Variants in ROBO2 observed in about 807,000 individuals in gnomAD.
ROBO2 encodes roundabout guidance receptor 2.
ROBO2 carries 53 observed loss-of-function variants against 160.8 expected under a neutral mutation model. The observed-to-expected ratio is 0.33, with a 90% CI of 0.26 to 0.41. The LOEUF is 0.41. Among genes scored for constraint, ROBO2 ranks in the 10% least tolerant of loss-of-function variants. The pLI is 1.00. For missense variants in ROBO2, 1,577 were observed against 1,722.4 expected (o/e 0.92, Z 1.49); for synonymous variants, 664 against 611.7 (o/e 1.09, Z -1.26).
chr3:76,160,023 G>C (rs780467373), intron 2 of ROBO2, among the ~76,000 whole-genome samples: 1 of 152,082 alleles, frequency 6.6e-6, no homozygotes, highest in Non-Finnish European at 1.5e-5. Flanking sequence ...AGACTCCCTG[G>C]TAAAGCTTTC....
In ROBO2 at chr3:76,209,816, G is replaced by A. The variant is rs1703032377; in HGVS notation, c.109+272214G>A. 3.3e-5 allele frequency among the ~76,000 whole-genome samples: 5 copies of A among 152,104 alleles called. No individual in the cohort carries two copies. The South Asian group carries it at 1.0e-3, about 31-fold the overall frequency. The stretch of plus-strand genomic sequence containing the variant: ...ATGGTCAACAATGACCCTGGAAATG[G>A]TAGCTTGAAAACAGATTCAGAAGAC... On this transcript the variant is annotated intron_variant, in intron 2 of 26. Transcript: ENST00000487694.
At chr3:76,110,213 C>T (rs1176194978) in intron 2 of ROBO2, among the ~76,000 whole-genome samples, 5 of 151,872 alleles carry the variant, frequency 3.3e-5, no homozygotes, top group Non-Finnish European at 7.4e-5. Context: ...TCATAGTAGA[C>T]GTGATGGCAA....
At position 77,634,646 on chromosome 3, in the gene ROBO2, G is replaced by T. The variant is rs1195695432; in HGVS notation, c.3761-224G>T. 9.4e-6 allele frequency: 5 copies of T among 532,896 alleles called. No homozygotes were observed. The Admixed American group carries it at 1.5e-4, about 16-fold the overall frequency. 33.0% of individuals were successfully genotyped at this position (532,896 alleles called of 1,614,324 possible). Reference sequence around the variant, plus strand: ...GTTTTATGTTCATTTGTTTGATTTTGAGGGGGCCAGTGGGGGTGTTGTTAG... The same window carrying T: ...GTTTTATGTTCATTTGTTTGATTTTTAGGGGGCCAGTGGGGGTGTTGTTAG... On this transcript the variant is annotated intron_variant, in intron 23 of 25. Transcript: ENST00000461745.
intron 2 of ROBO2, among the ~76,000 whole-genome samples, chr3:75,955,607 C>T (rs1161134395): frequency 1.3e-5 from 2 of 151,458 alleles, no homozygotes; most frequent in Non-Finnish European, 3.0e-5. Flanking sequence ...ACGTTGTGCA[C>T]ATGTACCCTA....
At chr3:76,291,662 G>A (rs34452183) in intron 2 of ROBO2, among the ~76,000 whole-genome samples, 8,397 of 152,122 alleles carry the variant, frequency 0.055, 242 homozygotes, top group Admixed American at 0.067. Context: ...TAAGTGTTTA[G>A]TGCTTTACTT....
intron 1 of ROBO2, among the ~76,000 whole-genome samples, chr3:75,936,025 C>T (rs1464474732): frequency 1.3e-5 from 2 of 152,136 alleles, no homozygotes; most frequent in Non-Finnish European, 2.9e-5. Context: ...GCATTTAGCA[C>T]AGTAAAATAA....
At chr3:77,549,357 A>G (rs2092826885) in intron 7 of ROBO2, among the ~76,000 whole-genome samples, 1 of 152,018 alleles carries the variant, frequency 6.6e-6, no homozygotes, top group Admixed American at 6.6e-5. Flanking sequence ...AAGTGACTTC[A>G]AAATTTAGAC....
At chr3:77,308,261 A>G (rs1274808311) in intron 2 of ROBO2, among the ~76,000 whole-genome samples, 3 of 152,158 alleles carry the variant, frequency 2.0e-5, no homozygotes, top group Non-Finnish European at 2.9e-5. Flanking sequence ...GTCATGTTCT[A>G]TGTAGGCAGG....
intron 2 of ROBO2, among the ~76,000 whole-genome samples, chr3:77,390,066 C>A (rs1207804768): frequency 1.3e-5 from 2 of 152,148 alleles, no homozygotes; most frequent in East Asian, 3.9e-4. Flanking sequence ...TTCCAAATAT[C>A]AGTCTTGGGC....
chr3:77,231,812 C>G (rs1437556463), intron 2 of ROBO2, among the ~76,000 whole-genome samples: 3 of 152,062 alleles, frequency 2.0e-5, no homozygotes, highest in Non-Finnish European at 2.9e-5. Flanking sequence ...AATCTTTGAT[C>G]AGCAAAAAGT....
At chr3:77,203,101 G>A (rs573342912) in intron 2 of ROBO2, among the ~76,000 whole-genome samples, 6 of 152,278 alleles carry the variant, frequency 3.9e-5, no homozygotes, top group East Asian at 3.9e-4. Flanking sequence ...CTATCATGAC[G>A]TTTTGTTTTA....
At chr3:76,042,562 C>G (rs1035467062) in intron 2 of ROBO2, among the ~76,000 whole-genome samples, 3 of 151,948 alleles carry the variant, frequency 2.0e-5, no homozygotes, top group Non-Finnish European at 2.9e-5. Context: ...GAGAGACCCT[C>G]TCATATTGTT....
chr3:77,067,843 G>T (rs907758807), intron 1 of ROBO2, among the ~76,000 whole-genome samples: 3 of 152,016 alleles, frequency 2.0e-5, no homozygotes, highest in African/African-American at 7.2e-5. Flanking sequence ...AAGCTACCAG[G>T]TTATCCCAAT....
intron 2 of ROBO2, among the ~76,000 whole-genome samples, chr3:77,229,678 A>AC (rs1553858299): frequency 7.3e-6 from 1 of 136,804 alleles, no homozygotes; most frequent in African/African-American, 2.7e-5. Context: ...AAAAAAAAAA[A>AC]GAGAGAGAAT....
intron 2 of ROBO2, among the ~76,000 whole-genome samples, chr3:77,376,267 G>A (rs2072648603): frequency 6.9e-6 from 1 of 144,368 alleles, no homozygotes; most frequent in Non-Finnish European, 1.5e-5. Flanking sequence ...CGATTCTCCT[G>A]CCTCAGCCTC....
chr3:77,368,203 A>G (rs1179574845), intron 2 of ROBO2, among the ~76,000 whole-genome samples: 1 of 151,864 alleles, frequency 6.6e-6, no homozygotes, highest in Non-Finnish European at 1.5e-5. Flanking sequence ...TTAAATTTCC[A>G]TCATCTTTTT....
intron 2 of ROBO2, among the ~76,000 whole-genome samples, chr3:77,267,096 A>G (rs942675685): frequency 3.9e-5 from 6 of 152,190 alleles, no homozygotes; most frequent in African/African-American, 1.4e-4. Context: ...ATTTTATTCA[A>G]GACATTGAAA....
chr3:77,579,605 T>C (rs2093860514), intron 15 of ROBO2, among the ~76,000 whole-genome samples: 1 of 152,180 alleles, frequency 6.6e-6, no homozygotes, highest in Non-Finnish European at 1.5e-5. Flanking sequence ...AAAATGCCAT[T>C]TGCAACCAAA....
chr3:76,820,325 T>C (rs528054483), intron 2 of ROBO2, among the ~76,000 whole-genome samples: 3 of 152,176 alleles, frequency 2.0e-5, no homozygotes, highest in African/African-American at 7.2e-5. Context: ...TTAGTTTCAA[T>C]AGGAAATAAC....
Sources: allele counts gnomAD v4.1 joint callset (sites outside exome capture counted in the v4.1 genomes callset), GRCh38; gene constraint gnomAD v4.1.1; transcripts MANE v1.5; gene names NCBI Gene and HGNC (gene_info 2026-07-23, HGNC 2026-07-21).